The following FGF14 variants were observed in gnomAD, a reference collection of about 807,000 sequenced individuals.
FGF14 encodes fibroblast growth factor homologous factor 4.
A neutral mutation model predicts 25.5 loss-of-function variants in FGF14; 5 were observed. The ratio of observed to expected loss-of-function variants is 0.20; its 90% CI spans 0.10 to 0.41. The LOEUF (loss-of-function observed/expected upper bound fraction) is 0.41. Ranked by LOEUF, FGF14 falls within the 10% of genes least tolerant of loss-of-function variation. FGF14 has a pLI of 1.00. For synonymous variants in FGF14, 138 were observed against 118.3 expected (o/e 1.17, Z -1.08); for missense variants, 222 against 320.1 (o/e 0.69, Z 2.34).
chr13:101,843,238 TTAA>T (rs1181267826), intron 3 of FGF14, among the ~76,000 whole-genome samples: 1 of 152,076 alleles, frequency 6.6e-6, no homozygotes, highest in Non-Finnish European at 1.5e-5. Context: ...TCCTCTAGCA[TTAA>T]ACCAATCAAC....
intron 1 of FGF14, among the ~76,000 whole-genome samples, chr13:101,987,548 TTTTC>T (rs1236889012): frequency 3.3e-5 from 5 of 152,154 alleles, no homozygotes; most frequent in Admixed American, 6.6e-5. Flanking sequence ...AAATTTATCT[TTTTC>T]TTTTTATCAC....
chr13:102,270,210 A>G (rs1379315399), intron 1 of FGF14, among the ~76,000 whole-genome samples: 1 of 152,152 alleles, frequency 6.6e-6, no homozygotes, highest in Non-Finnish European at 1.5e-5. Flanking sequence ...TCACTTAGAA[A>G]CATCCATATA....
intron 1 of FGF14, among the ~76,000 whole-genome samples, chr13:102,022,130 C>T (rs2040688254): frequency 6.6e-6 from 1 of 152,048 alleles, no homozygotes; most frequent in Non-Finnish European, 1.5e-5. Context: ...GCACCCCCAC[C>T]CCCCTTACTC....
chr13:101,826,956 T>C (rs1401808918), intron 3 of FGF14, among the ~76,000 whole-genome samples: 2 of 151,986 alleles, frequency 1.3e-5, no homozygotes, highest in African/African-American at 4.8e-5. Flanking sequence ...ATAAAGACAC[T>C]ATAGGTACAG....
chr13:102,198,205 C>T lies in FGF14; in HGVS notation c.208+203266G>A, dbSNP rs9585873. ...ACAGGGATGCTTTTTTAGGCACCATCGGAAGCCACAGCACAGTGCTAGGCA... is the reference window on the plus strand; with the variant it reads ...ACAGGGATGCTTTTTTAGGCACCATTGGAAGCCACAGCACAGTGCTAGGCA... On this transcript the variant is annotated intron_variant, in intron 1 of 4. Coordinates refer to the FGF14 transcript ENST00000376131. 1.6e-3 allele frequency among the ~76,000 whole-genome samples: 245 copies of T among 152,204 alleles called. 1 individual carries two copies. The highest frequency in any genetic ancestry group is 5.6e-3 in the African/African-American group (231 of 41,530).
chr13:102,350,759 T>C (rs995412496), intron 1 of FGF14, among the ~76,000 whole-genome samples: 1 of 152,210 alleles, frequency 6.6e-6, no homozygotes, highest in Admixed American at 6.5e-5. Flanking sequence ...AAGGACGCTA[T>C]GTGGGAATAA....
chr13:102,239,372 G>C (rs1461530902), intron 1 of FGF14, among the ~76,000 whole-genome samples: 1 of 152,162 alleles, frequency 6.6e-6, no homozygotes, highest in Non-Finnish European at 1.5e-5. Context: ...CTACAGAAAA[G>C]TGTTTCTCAA....
chr13:102,237,568 G>T (rs1157054205), intron 1 of FGF14, among the ~76,000 whole-genome samples: 1 of 135,822 alleles, frequency 7.4e-6, no homozygotes, highest in African/African-American at 2.9e-5. Context: ...AAACTGCTTG[G>T]GGTTTTTTAC....
chr13:101,802,094 G>T, intron 3 of FGF14: 1 of 267,844 alleles, frequency 3.7e-6, no homozygotes, highest in Non-Finnish European at 7.5e-6. Context: ...AGGTTCGGAT[G>T]GGGAAATGAA....
intron 3 of FGF14, among the ~76,000 whole-genome samples, chr13:101,823,440 A>T (rs1402117657): frequency 1.3e-5 from 2 of 149,694 alleles, no homozygotes. Flanking sequence ...ATATCTTTAT[A>T]TATTTGTTTG....
At chr13:102,004,886 G>A (rs192787257) in intron 1 of FGF14, among the ~76,000 whole-genome samples, 273 of 152,280 alleles carry the variant, frequency 1.8e-3, no homozygotes, top group Non-Finnish European at 3.2e-3. Context: ...AGAAGGATGT[G>A]TTTGCGTCCC....
intron 1 of FGF14, among the ~76,000 whole-genome samples, chr13:102,327,543 AGAG>A (rs749149992): frequency 6.6e-6 from 1 of 152,212 alleles, no homozygotes; most frequent in South Asian, 2.1e-4. Flanking sequence ...TCATGAAAAC[AGAG>A]GAGATCAGCT....
rs2035069259 is a variant in FGF14, at chr13:101,722,642, GTCT to G, written c.*186_*188del. ...TCTGAGTTTAGCTGGTTATCCAGGT[GTCT>G]TCTTGTTGTGGGGGGTGCAACAGGT... On this transcript the variant is annotated 3_prime_UTR_variant, in exon 5 of 5. Coordinates refer to ENST00000376143, the MANE Select transcript of FGF14 (RefSeq NM_004115.4). The G allele has an allele frequency of 5.7e-6, 4 of 698,894 alleles. No homozygotes were observed. Among genetic ancestry groups the G allele is most frequent in the Admixed American group, 2.4e-5 (1 of 42,482 alleles). 43.3% of individuals were successfully genotyped at this position (698,894 alleles called of 1,614,324 possible).
At chr13:102,063,198 A>C (rs1419648953) in intron 1 of FGF14, among the ~76,000 whole-genome samples, 1 of 152,224 alleles carries the variant, frequency 6.6e-6, no homozygotes, top group African/African-American at 2.4e-5. Flanking sequence ...AATTTAGAAA[A>C]TGGTACTATA....
intron 1 of FGF14, among the ~76,000 whole-genome samples, chr13:102,000,656 T>A (rs2039443343): frequency 6.6e-6 from 1 of 152,226 alleles, no homozygotes. Context: ...CCATACTTTT[T>A]GCTTTCTCCC....
Position 102,400,918 on chromosome 13 carries a change from G to A in FGF14, c.208+553C>T, listed in dbSNP as rs538977691. ...ACAGGGGGAATGAGTTAATGCTCGG[G>A]CACCCGGAGCTGGACGGGGGAGGGA... On this transcript the variant is annotated intron_variant, in intron 1 of 4. Transcript: ENST00000376131. The surrounding 1 kb of genome is among the most constrained non-coding windows in gnomAD (Gnocchi z 4.3). Among the ~76,000 whole-genome samples the A allele has an allele frequency of 6.6e-6, 1 of 152,198 alleles. No individual in the cohort carries two copies. Among genetic ancestry groups the A allele is most frequent in the East Asian group, 1.9e-4 (1 of 5,144 alleles).
At chr13:101,924,408 A>C (rs2034222397) in intron 1 of FGF14, among the ~76,000 whole-genome samples, 1 of 152,140 alleles carries the variant, frequency 6.6e-6, no homozygotes, top group Non-Finnish European at 1.5e-5. Flanking sequence ...CACACAACTA[A>C]ATTTCTGACT....
intron 3 of FGF14, among the ~76,000 whole-genome samples, chr13:101,849,134 T>G (rs1241563939): frequency 1.3e-5 from 2 of 152,082 alleles, no homozygotes; most frequent in African/African-American, 4.8e-5. Flanking sequence ...AGTTAGAATT[T>G]TTCTGTCTCT....
chr13:101,980,927 C>T (rs770200168), intron 1 of FGF14, among the ~76,000 whole-genome samples: 8 of 151,840 alleles, frequency 5.3e-5, no homozygotes, highest in Admixed American at 2.6e-4. Flanking sequence ...CCCTCCTCAA[C>T]GGAGTAAGTA....
Sources: allele counts gnomAD v4.1 joint callset (sites outside exome capture counted in the v4.1 genomes callset), GRCh38; gene constraint gnomAD v4.1.1; non-coding constraint Gnocchi (gnomAD v3.1); transcripts MANE v1.5; gene names NCBI Gene and HGNC (gene_info 2026-07-23, HGNC 2026-07-21).